SGIP1: variants seen among roughly 807,000 people sequenced by gnomAD.
SGIP1 encodes SH3-containing GRB2-like protein 3-interacting protein 1.
In SGIP1, 38 loss-of-function variants were observed where a neutral mutation model predicts 107.5. The ratio of observed to expected loss-of-function variants is 0.35; its 90% CI spans 0.27 to 0.46. The LOEUF is 0.46. Ranked by LOEUF, SGIP1 falls within the 20% of genes least tolerant of loss-of-function variation. SGIP1 has a pLI of 1.00. For synonymous variants in SGIP1, 365 were observed against 366.1 expected (o/e 1.00, Z 0.03); for missense variants, 929 against 1,019.5 (o/e 0.91, Z 1.21).
intron 8 of SGIP1, 141 bp from the exon 9 acceptor site, chr1:66,667,389 C>T (rs2082813107): frequency 2.5e-6 from 2 of 791,458 alleles, no homozygotes. Context: ...AACACTAGGA[C>T]TGCCTGTCTT....
rs1263919244 is a variant in SGIP1, at chr1:66,679,769, T to G, written c.814+17T>G. The G allele has an allele frequency of 6.3e-7, 1 of 1,586,900 alleles. No homozygotes were observed. Among genetic ancestry groups the G allele is most frequent in the East Asian group, 2.3e-5 (1 of 42,716 alleles). On this transcript the variant is annotated intron_variant, in intron 14 of 24. Coordinates refer to ENST00000371037, the MANE Select transcript of SGIP1 (RefSeq NM_032291.4). ...TTGGACCAGGTACGCTTTTGTTTTT[T>G]CAGTTCTGGGATGATGTGTCAAACA...
At chr1:66,632,510 C>A (rs776808328) in intron 2 of SGIP1, among the ~76,000 whole-genome samples, 3 of 152,262 alleles carry the variant, frequency 2.0e-5, no homozygotes, top group Middle Eastern at 3.4e-3. Context: ...CTCAGTGATG[C>A]TCTCCTGCAA....
intron 2 of SGIP1, among the ~76,000 whole-genome samples, chr1:66,630,908 G>A (rs1558134740): frequency 1.3e-3 from 42 of 32,716 alleles, no homozygotes; most frequent in Non-Finnish European, 1.6e-3. Flanking sequence ...AGAAAGAAGG[G>A]AGGGAGGGAG....
chr1:66,733,906 C>G lies in SGIP1; in HGVS notation c.2031+26C>G, dbSNP rs375372926. 2.3e-4 allele frequency: 375 copies of G among 1,600,636 alleles called. 1 individual carries two copies. In the African/African-American group the frequency reaches 4.2e-3, roughly 18 times the overall value. On this transcript the variant is annotated intron_variant, in intron 21 of 24. Coordinates refer to ENST00000371037, the MANE Select transcript of SGIP1 (RefSeq NM_032291.4). ...GTAAGCCTATTTACATGATCGGTAT[C>G]TCTTCCACATGACATATTTGTTTTC... is the stretch of plus-strand genomic sequence containing the variant.
intron 18 of SGIP1, among the ~76,000 whole-genome samples, chr1:66,717,173 C>T (rs1557735380): frequency 6.6e-6 from 1 of 152,170 alleles, no homozygotes; most frequent in African/African-American, 2.4e-5. Context: ...CCTCACCAAA[C>T]ACCAAGTTTC....
chr1:66,587,404 G>T (rs766078398), intron 1 of SGIP1, among the ~76,000 whole-genome samples: 1 of 151,120 alleles, frequency 6.6e-6, no homozygotes. Context: ...TTCTGATTTG[G>T]TAATTTCTAT....
chr1:66,567,837 G>A (rs1408851444), intron 1 of SGIP1, among the ~76,000 whole-genome samples: 1 of 151,976 alleles, frequency 6.6e-6, no homozygotes, highest in Non-Finnish European at 1.5e-5. Context: ...TATTTCTGCG[G>A]TCTCTGTTCT....
chr1:66,556,997 T>A (rs1360721130), intron 1 of SGIP1, among the ~76,000 whole-genome samples: 1 of 152,086 alleles, frequency 6.6e-6, no homozygotes, highest in Non-Finnish European at 1.5e-5. Flanking sequence ...AACATTCAGA[T>A]TTTTTGTATT....
rs2094557104 is a variant in SGIP1 at position 66,746,670 on chromosome 1, G to C, written c.*3575G>C. On this transcript the variant is annotated 3_prime_UTR_variant, in exon 25 of 25. Coordinates refer to ENST00000371037, the MANE Select transcript of SGIP1 (RefSeq NM_032291.4). ...CCTGTTTTACAAGTGATGACACTGA[G>C]GCTTAAATAGAATAATCTCCCCAAA... is the stretch of plus-strand genomic sequence containing the variant. 1 of 151,992 alleles carries C rather than the reference G, an allele frequency of 6.6e-6. No individual in the cohort carries two copies. 9.4% of individuals were successfully genotyped at this position (151,992 alleles called of 1,614,324 possible). A position where few individuals can be genotyped will look rare whatever the true frequency, so the allele number is the denominator to read the frequency against.
upstream of SGIP1, chr1:66,533,579 G>A (rs2052876488): frequency 6.6e-6 from 1 of 152,108 alleles, no homozygotes; most frequent in Admixed American, 6.6e-5. Context: ...TCTCTTGAAT[G>A]AAGGATGGGA....
chr1:66,734,809 C>A (rs1008557390), intron 21 of SGIP1, among the ~76,000 whole-genome samples: 1 of 151,616 alleles, frequency 6.6e-6, no homozygotes, highest in Non-Finnish European at 1.5e-5. Context: ...CCAGCTGACT[C>A]CCTAGATTTT....
intron 18 of SGIP1, among the ~76,000 whole-genome samples, chr1:66,702,038 C>A (rs1323997404): frequency 6.6e-6 from 1 of 152,110 alleles, no homozygotes; most frequent in Non-Finnish European, 1.5e-5. Flanking sequence ...CTGTTTTTAC[C>A]AGTAATGCTG....
At chr1:66,676,387 GA>G (rs1247459102) in intron 12 of SGIP1, among the ~76,000 whole-genome samples, 1 of 152,190 alleles carries the variant, frequency 6.6e-6, no homozygotes, top group Non-Finnish European at 1.5e-5. Flanking sequence ...AAAAGAAAGA[GA>G]AGAAATGTTA....
At position 66,572,283 on chromosome 1, in the gene SGIP1, G is replaced by A. The variant is rs117627897; in HGVS notation, c.10+37915G>A. ...GATAATCACAGTTCTAAACTCCCAG[G>A]TGACAGAAATATGCTAATATTTCAC... is the stretch of plus-strand genomic sequence containing the variant. On this transcript the variant is annotated intron_variant, in intron 1 of 24. Coordinates refer to ENST00000371037, the MANE Select transcript of SGIP1 (RefSeq NM_032291.4). 5.5e-3 allele frequency among the ~76,000 whole-genome samples: 834 copies of A among 152,026 alleles called. 24 individuals carry two copies. Among genetic ancestry groups the A allele is most frequent in the Admixed American group, 0.044 (668 of 15,242 alleles).
chr1:66,635,905 T>C, intron 3 of SGIP1, 39 bp from the exon 4 acceptor site: 1 of 1,603,056 alleles, frequency 6.2e-7, no homozygotes, highest in Non-Finnish European at 8.5e-7. Context: ...AAGCAGATCT[T>C]TTAACCACTT....
At chr1:66,593,860 CT>C (rs2064111984) in intron 1 of SGIP1, among the ~76,000 whole-genome samples, 1 of 152,160 alleles carries the variant, frequency 6.6e-6, no homozygotes, top group African/African-American at 2.4e-5. Context: ...AAAAAAATCT[CT>C]TATATTTCCT....
At chr1:66,604,514 T>A (rs2066459295) in intron 1 of SGIP1, among the ~76,000 whole-genome samples, 3 of 152,240 alleles carry the variant, frequency 2.0e-5, no homozygotes, top group African/African-American at 7.2e-5. Context: ...CTGTGTAAAC[T>A]TCAATCTGAA....
intron 7 of SGIP1, among the ~76,000 whole-genome samples, chr1:66,652,772 G>A (rs1185039817): frequency 1.3e-5 from 2 of 152,100 alleles, no homozygotes; most frequent in Non-Finnish European, 2.9e-5. Flanking sequence ...GTCATCAGTG[G>A]AGGAGGTGAG....
chr1:66,606,233 C>T (rs970229566), intron 1 of SGIP1, among the ~76,000 whole-genome samples: 4 of 152,108 alleles, frequency 2.6e-5, no homozygotes, highest in East Asian at 1.9e-4. Context: ...ATGTAAAAAG[C>T]GCATGGATAA....
Sources: allele counts gnomAD v4.1 joint callset (sites outside exome capture counted in the v4.1 genomes callset), GRCh38; gene constraint gnomAD v4.1.1; transcripts MANE v1.5; gene names NCBI Gene and HGNC (gene_info 2026-07-23, HGNC 2026-07-21).